Variants in DNAAF5 observed in about 807,000 individuals in gnomAD.
DNAAF5 encodes the protein dynein axonemal assembly factor 5, also known as HEAT repeat containing 2.
A neutral mutation model predicts 75.8 loss-of-function variants in DNAAF5; 64 were observed. The observed-to-expected ratio is 0.84, with a 90% confidence interval of 0.69 to 1.04. DNAAF5 has a LOEUF of 1.04. Among genes scored for constraint, DNAAF5 ranks in the 50% least tolerant of loss-of-function variants. The pLI is 0.00. For synonymous variants in DNAAF5, 657 were observed against 557.2 expected (o/e 1.18, Z -2.52); for missense variants, 1,269 against 1,178.5 (o/e 1.08, Z -1.12).
At chr7:765,833 T>C (rs1000733383) in intron 8 of DNAAF5, among the ~76,000 whole-genome samples, 2 of 152,118 alleles carry the variant, frequency 1.3e-5, no homozygotes, top group African/African-American at 4.8e-5. Flanking sequence ...CCTGAGTAGA[T>C]GGGATTGTAG....
At chr7:753,254 G>A (rs573446698) in intron 4 of DNAAF5, among the ~76,000 whole-genome samples, 24 of 152,312 alleles carry the variant, frequency 1.6e-4, no homozygotes, top group Middle Eastern at 3.4e-3. Context: ...ACAGAGGAGC[G>A]GGCACTAAAC....
At chr7:770,806 TC>T in intron 9 of DNAAF5, 188 bp downstream of exon 9, 1 of 533,316 alleles carries the variant, frequency 1.9e-6, no homozygotes, top group Non-Finnish European at 3.3e-6. Flanking sequence ...CCCACCTCCC[TC>T]CCCCACGCCG....
Position 742,260 on chromosome 7 carries a change from A to G in DNAAF5, c.1024+795A>G, listed in dbSNP as rs562774493. Among the ~76,000 whole-genome samples, 3 of 152,344 alleles carry G rather than the reference A, an allele frequency of 2.0e-5. No individual in the cohort carries two copies. The East Asian group carries it at 5.8e-4, about 29-fold the overall frequency. On this transcript the variant is annotated intron_variant, in intron 4 of 12. Transcript: ENST00000297440. The stretch of plus-strand genomic sequence containing the variant: ...AAAAGTAAATAATAGATACGCACTG[A>G]CGAGGACAAAAAGTAGGTGAAGCGC...
At chr7:741,501 G>C (rs758248822) in intron 4 of DNAAF5, 36 bp downstream of exon 4, 1 of 1,327,192 alleles carries the variant, frequency 7.5e-7, no homozygotes, top group Non-Finnish European at 1.1e-6. Flanking sequence ...GCCAGGAGGC[G>C]AGCCCTTGTT....
rs982960669 is a variant in DNAAF5 at position 783,278 on chromosome 7, C to T, written c.2432-2239C>T. 2.0e-5 allele frequency among the ~76,000 whole-genome samples: 3 copies of T among 152,266 alleles called. No individual in the cohort carries two copies. The East Asian group carries it at 5.8e-4, about 29-fold the overall frequency. The stretch of plus-strand genomic sequence containing the variant: ...TCCGTGTGAAGCGGTGCACCTGGTG[C>T]CCACTCGCGGGTGTAAGCCGTGTGC... On this transcript the variant is annotated intron_variant, in intron 12 of 12. Coordinates refer to ENST00000297440, the MANE Select transcript of DNAAF5 (RefSeq NM_017802.4).
In DNAAF5 at chr7:774,333, G is replaced by C. The variant is rs1001411731; in HGVS notation, c.2082+135G>C. 3.4e-5 allele frequency: 32 copies of C among 952,016 alleles called. No individual in the cohort carries two copies. In the African/African-American group the frequency reaches 5.3e-4, roughly 16 times the overall value. The allele number at this position is 952,016 out of a possible 1,614,324, so 59.0% of individuals were successfully genotyped here. A position where few individuals can be genotyped will look rare whatever the true frequency, so the allele number is the denominator to read the frequency against. Reference sequence around the variant, plus strand: ...CCACCTGGGGCCCGTACCCCAAGAGGCTCTCCCCACACTGGCGGCGGAAGG... The same window carrying C: ...CCACCTGGGGCCCGTACCCCAAGAGCCTCTCCCCACACTGGCGGCGGAAGG... On this transcript the variant is annotated intron_variant, in intron 10 of 12. Coordinates refer to ENST00000297440, the MANE Select transcript of DNAAF5 (RefSeq NM_017802.4).
chr7:766,089 A>C (rs1374296664), intron 8 of DNAAF5, among the ~76,000 whole-genome samples: 1 of 152,108 alleles, frequency 6.6e-6, no homozygotes, highest in Admixed American at 6.5e-5. Context: ...TCACCCTCCC[A>C]AAGTGCTGGG....
intron 4 of DNAAF5, among the ~76,000 whole-genome samples, chr7:753,559 A>G (rs1251820072): frequency 1.3e-5 from 2 of 151,778 alleles, no homozygotes; most frequent in Admixed American, 1.3e-4. Flanking sequence ...ATGGCTTCGA[A>G]GGCATGTCTC....
At chr7:745,619 A>G (rs188853408) in intron 4 of DNAAF5, among the ~76,000 whole-genome samples, 49 of 152,306 alleles carry the variant, frequency 3.2e-4, no homozygotes, top group Admixed American at 1.2e-3. Flanking sequence ...ACACCTGTGC[A>G]CACACGTGTA....
chr7:784,504 C>T (rs1352303374), intron 12 of DNAAF5, among the ~76,000 whole-genome samples: 2 of 152,200 alleles, frequency 1.3e-5, no homozygotes, highest in South Asian at 2.1e-4. Context: ...GCAGCAACCT[C>T]CCCATCCTCT....
rs756448332 is a variant in DNAAF5, at chr7:754,837, C to T, written c.1257+16C>T. Reference sequence around the variant, plus strand: ...GGTCCAAAGTGTAAGTGGCCGTATTCCAGTCGTGGTCGCGGAGCTGTAACT... The same window carrying T: ...GGTCCAAAGTGTAAGTGGCCGTATTTCAGTCGTGGTCGCGGAGCTGTAACT... On this transcript the variant is annotated intron_variant, in intron 5 of 12. Transcript: ENST00000297440. The surrounding 1 kb of genome is among the most constrained non-coding windows in gnomAD (Gnocchi z 4.8). The T allele has an allele frequency of 1.9e-6, 3 of 1,560,006 alleles. No homozygotes were observed. The highest frequency in any genetic ancestry group is 1.8e-6 in the Non-Finnish European group (2 of 1,141,298).
Position 754,601 on chromosome 7 carries a change from T to C in DNAAF5, c.1037T>C (p.Val346Ala), listed in dbSNP as rs1562386914. 1.2e-6 allele frequency: 2 copies of C among 1,614,046 alleles called. No homozygotes were observed. The highest frequency in any genetic ancestry group is 1.7e-6 in the Non-Finnish European group (2 of 1,179,906). Residue 346 changes from valine (V) to alanine (A), a missense_variant, in exon 5 of 13, where the codon GTG becomes GCG. Physicochemically the swap from Val to Ala is moderately conservative, Grantham distance 64. Transcript: ENST00000297440. This position sits in a 1 kb window ranked among gnomAD's most constrained non-coding sequence, Gnocchi z 4.8. ...TTTTTCGTTCCAGAGCGCCGCCCTGTGCTGGGCTGCCGGGAGCTCGTCTTC... is the reference window on the plus strand; with the variant it reads ...TTTTTCGTTCCAGAGCGCCGCCCTGCGCTGGGCTGCCGGGAGCTCGTCTTC... ...PHYPPHERRPVLGCRELVFRN... is the reference protein window; with the variant it reads ...PHYPPHERRPALGCRELVFRN...
At chr7:774,686 C>G (rs1778699293) in intron 10 of DNAAF5, among the ~76,000 whole-genome samples, 1 of 152,206 alleles carries the variant, frequency 6.6e-6, no homozygotes, top group African/African-American at 2.4e-5. Flanking sequence ...ATCAGCGCCA[C>G]CTCCTGGTGC....
intron 2 of DNAAF5, among the ~76,000 whole-genome samples, chr7:735,984 T>A (rs1444484910): frequency 6.6e-6 from 1 of 152,224 alleles, no homozygotes; most frequent in Non-Finnish European, 1.5e-5. Context: ...TTAAGAATTT[T>A]TAAAATTTCC....
chr7:737,511 A>C (rs1244221720), intron 2 of DNAAF5, among the ~76,000 whole-genome samples: 4 of 152,194 alleles, frequency 2.6e-5, no homozygotes, highest in Non-Finnish European at 4.4e-5. Flanking sequence ...TACTGTTACC[A>C]CTGAGTTTTA....
chr7:774,120 G>A lies in DNAAF5; in HGVS notation c.2004G>A (p.Arg668=), dbSNP rs935714689. 2 of 1,613,226 alleles carry A rather than the reference G, an allele frequency of 1.2e-6. No individual in the cohort carries two copies. The highest frequency in any genetic ancestry group is 1.7e-6 in the Non-Finnish European group (2 of 1,179,990). The change falls in exon 10 of 13, where the codon AGG becomes AGA. Residue 668 remains arginine, a synonymous_variant. Coordinates refer to ENST00000297440, the MANE Select transcript of DNAAF5 (RefSeq NM_017802.4). ...CCAATCTGCAGTGGCATGCGGGGAG[G>A]ACAGCCGCGGCCATCCGCACGGCTG... ...LAPNLQWHAG[R]TAAAIRTAAV...
intron 11 of DNAAF5, among the ~76,000 whole-genome samples, chr7:776,483 G>T (rs1241999872): frequency 6.6e-6 from 1 of 152,236 alleles, no homozygotes; most frequent in African/African-American, 2.4e-5. Flanking sequence ...ACTGGGTGGG[G>T]GTGACAAGGC....
intron 2 of DNAAF5, among the ~76,000 whole-genome samples, chr7:732,022 A>G (rs942300160): frequency 6.6e-6 from 1 of 152,200 alleles, no homozygotes; most frequent in African/African-American, 2.4e-5. Context: ...GCAGCCTGCT[A>G]GACTCGGCTT....
At chr7:737,276 A>G (rs542924734) in intron 2 of DNAAF5, among the ~76,000 whole-genome samples, 1 of 152,100 alleles carries the variant, frequency 6.6e-6, no homozygotes, top group Non-Finnish European at 1.5e-5. Context: ...TTGTATTTTT[A>G]GTAGAGACAA....
Sources: allele counts gnomAD v4.1 joint callset (sites outside exome capture counted in the v4.1 genomes callset), GRCh38; gene constraint gnomAD v4.1.1; non-coding constraint Gnocchi (gnomAD v3.1); transcripts MANE v1.5; gene names NCBI Gene and HGNC (gene_info 2026-07-23, HGNC 2026-07-21).